The following TDRD9 variants were observed in gnomAD, a reference collection of about 807,000 sequenced individuals.
The protein encoded by TDRD9 is ATP-dependent RNA helicase TDRD9.
A neutral mutation model predicts 172.6 loss-of-function variants in TDRD9; 124 were observed. That is an observed-to-expected ratio of 0.72 (90% CI 0.62 to 0.83). TDRD9 has a LOEUF of 0.83. TDRD9 is among the 40% of genes least tolerant of loss of function. TDRD9 has a pLI of 0.00. For synonymous variants in TDRD9, 619 were observed against 617.1 expected, an observed-to-expected ratio of 1.00 and a Z score of -0.05; for missense variants, 1,479 against 1,714.1, an observed-to-expected ratio of 0.86 and a Z score of 2.42.
intron 1 of TDRD9, among the ~76,000 whole-genome samples, chr14:103,952,730 T>TG (rs34336477): frequency 1.3e-4 from 1 of 7,804 alleles, no homozygotes; most frequent in Non-Finnish European, 9.1e-4. Flanking sequence ...ATTCTCTCTC[T>TG]TTTTTTTTTT....
intron 25 of TDRD9, 112 bp downstream of exon 25, chr14:104,024,792 A>G (rs2035065891): frequency 2.1e-6 from 1 of 474,132 alleles, no homozygotes; most frequent in African/African-American, 2.0e-5. Flanking sequence ...ACACACACAG[A>G]ACTTGTGCAC....
chr14:103,928,924 G>GT (rs543255081), intron 1 of TDRD9, 200 bp downstream of exon 1: 16,397 of 117,558 alleles, frequency 0.14, 1,303 homozygotes, highest in Non-Finnish European at 0.15. Context: ...TGAGCTAGAG[G>GT]TTTTTTTTTT....
At chr14:103,963,217 A>G in intron 3 of TDRD9, 41 bp downstream of exon 3, 1 of 1,400,918 alleles carries the variant, frequency 7.1e-7, no homozygotes, top group East Asian at 2.5e-5. Flanking sequence ...CTGTTTGAAT[A>G]CATGTCTGAG....
intron 9 of TDRD9, among the ~76,000 whole-genome samples, chr14:103,992,113 C>T (rs1033876437): frequency 3.3e-5 from 5 of 152,098 alleles, no homozygotes; most frequent in Non-Finnish European, 4.4e-5. Flanking sequence ...CAGGGTAATC[C>T]TTGAGTTCCC....
intron 21 of TDRD9, 103 bp from the exon 22 acceptor site, chr14:104,015,878 T>C: frequency 1.3e-6 from 1 of 766,858 alleles, no homozygotes; most frequent in Non-Finnish European, 2.0e-6. Flanking sequence ...AACCATCTTT[T>C]ACATTTATGG....
chr14:103,931,499 C>T (rs1186068969), intron 1 of TDRD9, among the ~76,000 whole-genome samples: 1 of 152,108 alleles, frequency 6.6e-6, no homozygotes, highest in Non-Finnish European at 1.5e-5. Context: ...AGCAGGCACT[C>T]AGCTAAATAT....
At chr14:104,035,086 T>C (rs542780594) in intron 32 of TDRD9, 30 bp downstream of exon 32, 471 of 1,530,722 alleles carry the variant, frequency 3.1e-4, no homozygotes, top group Non-Finnish European at 3.9e-4. Context: ...CTATAGGCTT[T>C]GTAAAATAAG....
intron 1 of TDRD9, among the ~76,000 whole-genome samples, chr14:103,931,814 G>A (rs1028000767): frequency 1.3e-5 from 2 of 152,216 alleles, no homozygotes; most frequent in African/African-American, 4.8e-5. Flanking sequence ...GCCCTTAAAA[G>A]CAGAGAACTT....
At position 104,025,556 on chromosome 14, in the gene TDRD9, C is replaced by A; in HGVS notation, c.2719-8C>A. ...GATTTCATCTCTTCTCCTCCTCTTC[C>A]TTTTTAGGTGGTTGAAGTGGGACAC... On this transcript the variant is annotated splice_polypyrimidine_tract_variant and splice_region_variant and intron_variant, in intron 25 of 35. Coordinates refer to ENST00000409874, the MANE Select transcript of TDRD9 (RefSeq NM_153046.3). The A allele has an allele frequency of 6.2e-7, 1 of 1,612,666 alleles. No homozygotes were observed. The highest frequency in any genetic ancestry group is 1.3e-5 in the African/African-American group (1 of 74,980).
At chr14:104,014,875 G>C (rs1460778095) in intron 21 of TDRD9, 34 bp downstream of exon 21, 15 of 1,256,828 alleles carry the variant, frequency 1.2e-5, no homozygotes, top group Admixed American at 5.5e-5. Context: ...TTTTTTTCCT[G>C]ATTCTTTCTG....
At chr14:103,959,210 G>A (rs1170882387) in intron 2 of TDRD9, among the ~76,000 whole-genome samples, 1 of 152,134 alleles carries the variant, frequency 6.6e-6, no homozygotes, top group Non-Finnish European at 1.5e-5. Context: ...ACAGGAATTG[G>A]TGATGCCTTG....
intron 32 of TDRD9, among the ~76,000 whole-genome samples, chr14:104,039,164 A>G (rs1210252664): frequency 6.6e-6 from 1 of 152,326 alleles, no homozygotes; most frequent in East Asian, 1.9e-4. Context: ...AAAAGGGGGA[A>G]AAGAAAAGCC....
At chr14:103,936,497 C>T (rs1186561654) in intron 1 of TDRD9, among the ~76,000 whole-genome samples, 4 of 152,172 alleles carry the variant, frequency 2.6e-5, no homozygotes, top group African/African-American at 9.7e-5. Flanking sequence ...TCATAAATCT[C>T]TGTCTTACTC....
At position 103,965,497 on chromosome 14, in the gene TDRD9, C is replaced by T. The variant is rs568864077; in HGVS notation, c.585C>T (p.Ile195=). 19 of 1,548,110 alleles carry T rather than the reference C, an allele frequency of 1.2e-5. No homozygotes were observed. The highest frequency in any genetic ancestry group is 7.5e-5 in the East Asian group (3 of 39,980). The stretch of plus-strand genomic sequence containing the variant: ...CCCGGAAGATAGGGGCAAGCAGCAT[C>T]GCCAGGTGGATCAGTAAAGAGCGTG... ...TQPRKIGASS[I]ARWISKERAW... is the part of the protein sequence containing the mutation. Residue 195 remains isoleucine, a synonymous_variant, in exon 4 of 36, where the codon ATC becomes ATT. Transcript: ENST00000409874.
chr14:104,048,978 A>G (rs2035861301), intron 34 of TDRD9, among the ~76,000 whole-genome samples: 2 of 151,914 alleles, frequency 1.3e-5, no homozygotes, highest in South Asian at 4.2e-4. Flanking sequence ...CCCAGCAAGA[A>G]CTCCACATAC....
intron 1 of TDRD9, among the ~76,000 whole-genome samples, chr14:103,930,070 G>A (rs1048383485): frequency 6.6e-6 from 1 of 152,122 alleles, no homozygotes; most frequent in Non-Finnish European, 1.5e-5. Flanking sequence ...CCCTCTTCTC[G>A]CTCTTTAAAA....
chr14:103,976,290 T>TC (rs1348797885), intron 7 of TDRD9, among the ~76,000 whole-genome samples: 1 of 152,064 alleles, frequency 6.6e-6, no homozygotes, highest in Non-Finnish European at 1.5e-5. Context: ...TTTTTTTTTT[T>TC]CGAGACAGAG....
chr14:104,020,433 G>A (rs541316320), intron 23 of TDRD9, among the ~76,000 whole-genome samples: 1 of 152,196 alleles, frequency 6.6e-6, no homozygotes, highest in Admixed American at 6.5e-5. Flanking sequence ...AGAGCATCCG[G>A]CTTTCCAGCC....
chr14:103,941,641 G>A (rs2031242440), intron 1 of TDRD9: 2 of 1,534,962 alleles, frequency 1.3e-6, no homozygotes, highest in Non-Finnish European at 1.7e-6. Context: ...CCAGGATAGT[G>A]TGTGGGTTTG....
Sources: allele counts gnomAD v4.1 joint callset (sites outside exome capture counted in the v4.1 genomes callset), GRCh38; gene constraint gnomAD v4.1.1; transcripts MANE v1.5; gene names NCBI Gene and HGNC (gene_info 2026-07-23, HGNC 2026-07-21).